Variants in SLC2A9 observed in about 807,000 individuals in gnomAD.
SLC2A9 encodes the protein solute carrier family 2, facilitated glucose transporter member 9.
Under a neutral mutation model 50.6 loss-of-function variants are expected in SLC2A9, and 39 were observed. The observed-to-expected ratio is 0.77, with a 90% CI of 0.60 to 1.01. SLC2A9 has a LOEUF of 1.01. Ranked by LOEUF, SLC2A9 falls within the 50% of genes least tolerant of loss-of-function variation. SLC2A9 has a pLI of 0.00. For missense variants in SLC2A9, 686 were observed against 677.6 expected, an observed-to-expected ratio of 1.01 and a Z score of -0.14; for synonymous variants, 324 against 276.9, an observed-to-expected ratio of 1.17 and a Z score of -1.69.
chr4:9,901,288 T>A (rs948955025), intron 8 of SLC2A9, among the ~76,000 whole-genome samples: 9 of 152,086 alleles, frequency 5.9e-5, no homozygotes, highest in African/African-American at 2.2e-4. Context: ...AAGGGTGTAG[T>A]TTCTTCTAGT....
chr4:9,810,034 C>T (rs1722674861), intron 3 of SLC2A9, among the ~76,000 whole-genome samples: 1 of 152,074 alleles, frequency 6.6e-6, no homozygotes. Context: ...AAGTCACAAT[C>T]CAGACACTTC....
chr4:9,942,157 G>C, intron 5 of SLC2A9, 112 bp from the exon 6 acceptor site: 2 of 1,311,788 alleles, frequency 1.5e-6, no homozygotes, highest in South Asian at 1.2e-5. Flanking sequence ...TGCCCAGCAT[G>C]ATCCCCAGGA....
intron 7 of SLC2A9, among the ~76,000 whole-genome samples, chr4:9,913,326 TGTGTGAGAGA>T (rs1560291953): frequency 7.7e-6 from 1 of 129,772 alleles, no homozygotes; most frequent in Non-Finnish European, 1.6e-5. Flanking sequence ...TGTGTGTGTG[TGTGTGAGAGA>T]GAGAGAGAGA....
At chr4:9,784,344 C>T (rs1434576950) in intron 3 of SLC2A9, among the ~76,000 whole-genome samples, 4 of 152,158 alleles carry the variant, frequency 2.6e-5, no homozygotes, top group Non-Finnish European at 4.4e-5. Context: ...TATTCCTAGA[C>T]AGATGCGATC....
At chr4:9,811,332 TC>T (rs1174309033) in intron 3 of SLC2A9, among the ~76,000 whole-genome samples, 10 of 152,206 alleles carry the variant, frequency 6.6e-5, no homozygotes, top group African/African-American at 2.4e-4. Flanking sequence ...TTCGGGCTGG[TC>T]CCATGACTTG....
intron 10 of SLC2A9, among the ~76,000 whole-genome samples, chr4:9,856,185 G>A (rs1730685111): frequency 6.6e-6 from 1 of 152,128 alleles, no homozygotes; most frequent in South Asian, 2.1e-4. Flanking sequence ...ACAACCCAGA[G>A]TATGGGAGAA....
intron 10 of SLC2A9, among the ~76,000 whole-genome samples, chr4:9,859,199 C>G (rs900898828): frequency 1.3e-5 from 2 of 151,662 alleles, no homozygotes; most frequent in Non-Finnish European, 1.5e-5. Context: ...CCTTAATAAA[C>G]TTGTTTTCAT....
chr4:10,022,804 G>A (rs769971194), upstream of SLC2A9, among the ~76,000 whole-genome samples: 3 of 152,218 alleles, frequency 2.0e-5, no homozygotes, highest in Non-Finnish European at 2.9e-5. Flanking sequence ...TGACATGCAC[G>A]GTGGTGGGAA....
chr4:9,848,355 TA>T (rs10716180), intron 10 of SLC2A9, among the ~76,000 whole-genome samples: 43,671 of 138,914 alleles, frequency 0.31, 6,985 homozygotes, highest in Admixed American at 0.43. Flanking sequence ...ATGTGTTTTC[TA>T]AAAAAAAAAA....
At chr4:10,026,301 G>A (rs535699916), upstream of SLC2A9, among the ~76,000 whole-genome samples, 122 of 152,156 alleles carry the variant, frequency 8.0e-4, no homozygotes, top group African/African-American at 2.7e-3. Flanking sequence ...GGATCTCCCC[G>A]GGCTATGTAC....
chr4:9,880,160 G>A, intron 10 of SLC2A9: 1 of 985,412 alleles, frequency 1.0e-6, no homozygotes. Flanking sequence ...GATGCAAGAT[G>A]GTCTCATGGT....
At chr4:9,974,102 C>A (rs1046158591) in intron 5 of SLC2A9, among the ~76,000 whole-genome samples, 1 of 152,014 alleles carries the variant, frequency 6.6e-6, no homozygotes, top group Admixed American at 6.6e-5. Flanking sequence ...ATGATAAAAC[C>A]TCTCAAGAAA....
intron 3 of SLC2A9, among the ~76,000 whole-genome samples, chr4:9,817,832 T>C (rs556818693): frequency 6.6e-6 from 1 of 152,276 alleles, no homozygotes; most frequent in Admixed American, 6.5e-5. Flanking sequence ...GGTGACTCCA[T>C]CCTGTTCTGC....
At chr4:9,962,631 A>G (rs775459932) in intron 5 of SLC2A9, among the ~76,000 whole-genome samples, 5 of 152,172 alleles carry the variant, frequency 3.3e-5, no homozygotes, top group Admixed American at 6.5e-5. Context: ...TACTTATGCA[A>G]TGGGTCAATA....
At chr4:9,771,829 C>A (rs1716864968) in intron 1 of SLC2A9, among the ~76,000 whole-genome samples, 1 of 152,150 alleles carries the variant, frequency 6.6e-6, no homozygotes, top group Admixed American at 6.5e-5. Context: ...CACTCACCCC[C>A]TTCAAGAAGA....
At chr4:10,018,679 G>C (rs982503022) in intron 2 of SLC2A9, among the ~76,000 whole-genome samples, 5 of 152,118 alleles carry the variant, frequency 3.3e-5, no homozygotes, top group African/African-American at 1.2e-4. Flanking sequence ...GGGGCCAGAG[G>C]ATCGCCCCCC....
chr4:9,857,799 C>A (rs115536550), intron 10 of SLC2A9, among the ~76,000 whole-genome samples: 1,554 of 152,344 alleles, frequency 0.01, 34 homozygotes, highest in African/African-American at 0.035. Flanking sequence ...GATCACCCCC[C>A]AAACAGACTG....
At chr4:9,988,844 G>A (rs1013867292) in intron 3 of SLC2A9, among the ~76,000 whole-genome samples, 2 of 152,200 alleles carry the variant, frequency 1.3e-5, no homozygotes, top group Non-Finnish European at 2.9e-5. Flanking sequence ...GAGACATTTC[G>A]CCTGGACAAG....
Position 9,897,749 on chromosome 4 carries a change from G to C in SLC2A9, c.1114-7038C>G, listed in dbSNP as rs184003643. On this transcript the variant is annotated intron_variant, in intron 8 of 11. Coordinates refer to ENST00000264784, the MANE Select transcript of SLC2A9 (RefSeq NM_020041.3). ...TAAAAAAAATACAAAAAGTAGCCAGGTGTGGTGGTGCATGCCTGTAATCGC... is the reference window on the plus strand; with the variant it reads ...TAAAAAAAATACAAAAAGTAGCCAGCTGTGGTGGTGCATGCCTGTAATCGC... Among the ~76,000 whole-genome samples the C allele has an allele frequency of 1.4e-3, 212 of 152,264 alleles. No individual in the cohort carries two copies. In the Middle Eastern group the frequency reaches 0.017, roughly 12 times the overall value.
Sources: allele counts gnomAD v4.1 joint callset (sites outside exome capture counted in the v4.1 genomes callset), GRCh38; gene constraint gnomAD v4.1.1; transcripts MANE v1.5; gene names NCBI Gene and HGNC (gene_info 2026-07-23, HGNC 2026-07-21).